Variants in DGKB observed in about 807,000 individuals in gnomAD.
DGKB encodes 90 kDa diacylglycerol kinase.
A neutral mutation model predicts 114.3 loss-of-function variants in DGKB; 67 were observed. That is an observed-to-expected ratio of 0.59 (90% CI 0.48 to 0.72). The LOEUF is 0.72. Among genes scored for constraint, DGKB ranks in the 30% least tolerant of loss-of-function variants. DGKB has a pLI of 0.00. For missense variants in DGKB, 907 were observed against 975.2 expected (o/e 0.93, Z 0.93); for synonymous variants, 398 against 323.1 (o/e 1.23, Z -2.49).
At chr7:14,715,726 A>G (rs1299153983) in intron 6 of DGKB, among the ~76,000 whole-genome samples, 1 of 152,180 alleles carries the variant, frequency 6.6e-6, no homozygotes, top group Non-Finnish European at 1.5e-5. Flanking sequence ...TGTGACTTCA[A>G]GCAAAACAAT....
upstream of DGKB, among the ~76,000 whole-genome samples, chr7:14,907,237 T>C (rs1054300151): frequency 1.3e-5 from 2 of 152,204 alleles, no homozygotes; most frequent in African/African-American, 4.8e-5. Flanking sequence ...CCAATTCTCC[T>C]CTTTTACAGG....
At chr7:14,160,634 A>T (rs1783742187) in intron 25 of DGKB, among the ~76,000 whole-genome samples, 1 of 152,226 alleles carries the variant, frequency 6.6e-6, no homozygotes, top group Non-Finnish European at 1.5e-5. Context: ...GAGGATACAA[A>T]TGGAAAAACA....
At chr7:14,651,086 C>A (rs1378109432) in intron 13 of DGKB, among the ~76,000 whole-genome samples, 1 of 152,138 alleles carries the variant, frequency 6.6e-6, no homozygotes, top group Non-Finnish European at 1.5e-5. Flanking sequence ...GAGCTGGTAC[C>A]ATTCCTTCTG....
intron 21 of DGKB, among the ~76,000 whole-genome samples, chr7:14,369,414 A>C (rs12532802): frequency 0.56 from 84,732 of 151,986 alleles, 24,478 homozygotes; most frequent in East Asian, 0.65. Context: ...AGAATGATTT[A>C]TAATCCTTTG....
At chr7:14,902,267 G>A (rs1216132998) in intron 1 of DGKB, among the ~76,000 whole-genome samples, 3 of 152,126 alleles carry the variant, frequency 2.0e-5, no homozygotes, top group Non-Finnish European at 4.4e-5. Flanking sequence ...GAAAAGACAA[G>A]CTGCTATCTC....
intron 1 of DGKB, among the ~76,000 whole-genome samples, chr7:14,875,292 G>T (rs751491014): frequency 6.6e-6 from 1 of 152,020 alleles, no homozygotes; most frequent in African/African-American, 2.4e-5. Context: ...TAACATCCTC[G>T]TTGACTGCCG....
At chr7:14,417,446 A>C (rs2128754754) in intron 21 of DGKB, among the ~76,000 whole-genome samples, 1 of 152,222 alleles carries the variant, frequency 6.6e-6, no homozygotes, top group South Asian at 2.1e-4. Context: ...TGTTAGAATT[A>C]TGAGGTATCC....
At chr7:14,322,980 T>A (rs1234989398) in intron 23 of DGKB, among the ~76,000 whole-genome samples, 1 of 152,152 alleles carries the variant, frequency 6.6e-6, no homozygotes, top group African/African-American at 2.4e-5. Flanking sequence ...ATCAGTACAA[T>A]CACTTTTAGT....
At chr7:14,255,616 GT>G (rs753394357) in intron 23 of DGKB, among the ~76,000 whole-genome samples, 131 of 152,090 alleles carry the variant, frequency 8.6e-4, no homozygotes, top group Non-Finnish European at 1.8e-3. Flanking sequence ...ACTTTCACGT[GT>G]AAAAAATAAT....
At chr7:14,374,381 T>C (rs1435188334) in intron 21 of DGKB, among the ~76,000 whole-genome samples, 1 of 152,206 alleles carries the variant, frequency 6.6e-6, no homozygotes, top group Non-Finnish European at 1.5e-5. Context: ...TCCATATTTT[T>C]GGTTTGATAG....
intron 1 of DGKB, among the ~76,000 whole-genome samples, chr7:14,878,003 A>G (rs1853573325): frequency 1.3e-5 from 2 of 152,116 alleles, no homozygotes; most frequent in South Asian, 4.1e-4. Flanking sequence ...TAGAAGGACA[A>G]ATATAGACAC....
At chr7:14,847,682 G>A (rs1307121118) in intron 1 of DGKB, among the ~76,000 whole-genome samples, 1 of 152,104 alleles carries the variant, frequency 6.6e-6, no homozygotes, top group Non-Finnish European at 1.5e-5. Flanking sequence ...TGCAAACTGT[G>A]ATAAGTTATA....
chr7:14,962,636 TTGTGTGTGTG>T (rs71004348), intron 1 of DGKB, among the ~76,000 whole-genome samples: 2,849 of 142,014 alleles, frequency 0.02, 69 homozygotes, highest in African/African-American at 0.068. Flanking sequence ...GTGTGTGTGT[TTGTGTGTGTG>T]TGTGTGTGTG....
intron 20 of DGKB, among the ~76,000 whole-genome samples, chr7:14,491,179 G>C (rs1464230116): frequency 1.3e-5 from 2 of 151,984 alleles, no homozygotes; most frequent in Non-Finnish European, 1.5e-5. Flanking sequence ...TAATTCCCAT[G>C]TGTTATGAGA....
At chr7:14,764,456 C>T (rs1222838879) in intron 2 of DGKB, among the ~76,000 whole-genome samples, 1 of 151,872 alleles carries the variant, frequency 6.6e-6, no homozygotes, top group Non-Finnish European at 1.5e-5. Context: ...CAGTAATACT[C>T]AAACCTGGAT....
At chr7:14,639,620 C>A (rs963393799) in intron 13 of DGKB, among the ~76,000 whole-genome samples, 2 of 152,200 alleles carry the variant, frequency 1.3e-5, no homozygotes, top group African/African-American at 4.8e-5. Context: ...AAGTTAGGAA[C>A]AATCCTATGA....
intron 20 of DGKB, among the ~76,000 whole-genome samples, chr7:14,532,553 C>A (rs1173189084): frequency 1.3e-5 from 2 of 151,036 alleles, no homozygotes; most frequent in African/African-American, 2.4e-5. Flanking sequence ...AGTTATGTTT[C>A]ATATTGATAA....
Position 14,224,389 on chromosome 7 carries a change from ATTG to A in DGKB, c.2123-46241_2123-46239del, listed in dbSNP as rs1169091403. Among the ~76,000 whole-genome samples, 4 of 151,854 alleles carry A rather than the reference ATTG, an allele frequency of 2.6e-5. No homozygotes were observed. The East Asian group carries it at 7.7e-4, about 29-fold the overall frequency. On this transcript the variant is annotated intron_variant, in intron 23 of 25. Coordinates refer to ENST00000402815, the MANE Select transcript of DGKB (RefSeq NM_001350709.2). ...ATTGATAGCATTTATTTGCTGTGTT[ATTG>A]TTATCATTCTCTTCTTTACTTTAAT...
chr7:14,189,179 C>T (rs142507204), intron 23 of DGKB, among the ~76,000 whole-genome samples: 1,583 of 152,122 alleles, frequency 0.01, 15 homozygotes, highest in Non-Finnish European at 0.016. Flanking sequence ...CTAGTATGAA[C>T]GTTTAATGTC....
Sources: allele counts gnomAD v4.1 joint callset (sites outside exome capture counted in the v4.1 genomes callset), GRCh38; gene constraint gnomAD v4.1.1; transcripts MANE v1.5; gene names NCBI Gene and HGNC (gene_info 2026-07-23, HGNC 2026-07-21).